C3orf22: variants seen among roughly 807,000 people sequenced by gnomAD.
C3orf22 encodes the protein uncharacterized protein C3orf22.
C3orf22 carries 7 observed loss-of-function variants against 10.8 expected under a neutral mutation model. The observed-to-expected ratio is 0.65, with a 90% CI of 0.37 to 1.22. The LOEUF is 1.22. C3orf22 is among the 50% of genes most tolerant of loss of function. The probability of loss-of-function intolerance (pLI) is 0.02; values close to 1 mark genes in which losing one functional copy is unlikely to be tolerated. For synonymous variants in C3orf22, 79 were observed against 78.9 expected (o/e 1.00, Z 0.00); for missense variants, 173 against 177.0 (o/e 0.98, Z 0.13).
intron 4 of C3orf22, chr3:126,536,251 C>G (rs199904615): frequency 3.1e-6 from 5 of 1,611,082 alleles, no homozygotes; most frequent in East Asian, 2.2e-5. Flanking sequence ...GTGGCGACAT[C>G]TCTCTCCTTA....
In C3orf22 at chr3:126,557,440, G is replaced by A. The variant is rs183489544; in HGVS notation, c.-41+1187C>T. ...GGGATTCCGGAGTCCTCCAAAAGCC[G>A]GTGGGCTCGGGCAAGACTGCTCGGC... On this transcript the variant is annotated intron_variant, in intron 1 of 3. Coordinates refer to ENST00000318225, the MANE Select transcript of C3orf22 (RefSeq NM_152533.3). Among the ~76,000 whole-genome samples, 184 of 152,346 alleles carry A rather than the reference G, an allele frequency of 1.2e-3. No individual in the cohort carries two copies. The Middle Eastern group carries it at 0.041, about 34-fold the overall frequency.
At chr3:126,542,300 G>C in intron 4 of C3orf22, 1 of 1,566,610 alleles carries the variant, frequency 6.4e-7, no homozygotes, top group East Asian at 2.4e-5. Context: ...CTGGGAGCGC[G>C]CGCACGCGCT....
intron 3 of C3orf22, among the ~76,000 whole-genome samples, chr3:126,551,231 G>T (rs549948559): frequency 4.1e-4 from 62 of 150,382 alleles, no homozygotes; most frequent in African/African-American, 1.4e-3. Flanking sequence ...AATGGGCATG[G>T]AAAAGTCAAC....
chr3:126,533,577 TTGGTCA>T (rs1936703149), intron 4 of C3orf22, among the ~76,000 whole-genome samples: 1 of 152,246 alleles, frequency 6.6e-6, no homozygotes. Context: ...TCCATCCTAC[TTGGTCA>T]TGGTGTATAA....
chr3:126,539,330 G>A (rs1434204234), intron 4 of C3orf22, among the ~76,000 whole-genome samples: 1 of 152,014 alleles, frequency 6.6e-6, no homozygotes. Context: ...TAAATGTTAA[G>A]CCCTGTTCTG....
At chr3:126,554,301 G>A (rs183533412) in intron 1 of C3orf22, among the ~76,000 whole-genome samples, 5 of 130,960 alleles carry the variant, frequency 3.8e-5, no homozygotes, top group East Asian at 2.2e-4. Context: ...TCTCGCTCTC[G>A]TCCCCAGGCT....
chr3:126,539,281 C>T (rs1014228605), intron 4 of C3orf22, among the ~76,000 whole-genome samples: 3 of 152,164 alleles, frequency 2.0e-5, no homozygotes, highest in African/African-American at 7.2e-5. Context: ...TCCACCCACC[C>T]TTTGTGAAAC....
intron 4 of C3orf22, among the ~76,000 whole-genome samples, chr3:126,539,850 C>T (rs796647687): frequency 1.3e-3 from 2 of 1,512 alleles, no homozygotes; most frequent in Non-Finnish European, 2.6e-3. Flanking sequence ...ACACACATCA[C>T]ACACACACAC....
intron 4 of C3orf22, among the ~76,000 whole-genome samples, chr3:126,544,386 C>T (rs1457781314): frequency 6.6e-6 from 1 of 152,214 alleles, no homozygotes; most frequent in Non-Finnish European, 1.5e-5. Flanking sequence ...TACCCAGTTT[C>T]AGGAGCTCTG....
intron 4 of C3orf22, among the ~76,000 whole-genome samples, chr3:126,533,821 A>G (rs1273188380): frequency 6.6e-6 from 1 of 152,118 alleles, no homozygotes; most frequent in Non-Finnish European, 1.5e-5. Context: ...ACATTTAGTA[A>G]AATTTACCAG....
Position 126,549,981 on chromosome 3 carries a change from A to T in C3orf22, c.313T>A (p.Leu105Met). ...TGTCTGGGGAAGCGGCGACTCAGCA[A>T]CTTGAGTTCCCAAAGGTTGCACAGT... is the stretch of plus-strand genomic sequence containing the variant. Reference protein sequence around the residue: ...PPLCNLWELKLLSRRFPRQLA... With the variant: ...PPLCNLWELKMLSRRFPRQLA... Residue 105 changes from leucine to methionine, a missense_variant, in exon 4 of 4, where the codon TTG becomes ATG. Physicochemically the swap from Leu to Met is conservative, Grantham distance 15. Coordinates refer to ENST00000318225, the MANE Select transcript of C3orf22 (RefSeq NM_152533.3). The T allele has an allele frequency of 6.2e-7, 1 of 1,614,162 alleles. No homozygotes were observed. Among genetic ancestry groups the T allele is most frequent in the Non-Finnish European group, 8.5e-7 (1 of 1,180,038 alleles).
chr3:126,558,842 T>G lies in C3orf22; in HGVS notation c.-256A>C, dbSNP rs934907508. 2.6e-5 allele frequency: 4 copies of G among 152,260 alleles called. No homozygotes were observed. The highest frequency in any genetic ancestry group is 5.9e-5 in the Non-Finnish European group (4 of 68,058). The allele number at this position is 152,260 out of a possible 1,614,324, so 9.4% of individuals were successfully genotyped here. ...AAGCTGCAGGACCCTGTGGGCTGGC[T>G]TATGTGACGCCAGGCAGACTGAAGC... On this transcript the variant is annotated 5_prime_UTR_variant, in exon 1 of 4. The change abolishes the stop of an existing upstream ORF in the 5' untranslated region. Coordinates refer to ENST00000318225, the MANE Select transcript of C3orf22 (RefSeq NM_152533.3).
intron 4 of C3orf22, among the ~76,000 whole-genome samples, chr3:126,543,792 C>A (rs1010440811): frequency 6.6e-6 from 1 of 152,072 alleles, no homozygotes; most frequent in Non-Finnish European, 1.5e-5. Context: ...GTGTCTTGGG[C>A]CACTTGTCTC....
rs1339429579 is a variant in C3orf22 at position 126,557,822 on chromosome 3, A to T, written c.-41+805T>A. Among the ~76,000 whole-genome samples, 7 of 152,238 alleles carry T rather than the reference A, an allele frequency of 4.6e-5. No individual in the cohort carries two copies. The East Asian group carries it at 1.2e-3, about 25-fold the overall frequency. On this transcript the variant is annotated intron_variant, in intron 1 of 3. Coordinates refer to ENST00000318225, the MANE Select transcript of C3orf22 (RefSeq NM_152533.3). ...CCCTGAAGGGCAGGCTTCCCCACTGACTTGCCCACTAGTCTAGTACAGGGT... is the reference window on the plus strand; with the variant it reads ...CCCTGAAGGGCAGGCTTCCCCACTGTCTTGCCCACTAGTCTAGTACAGGGT...
At chr3:126,542,493 T>G in intron 4 of C3orf22, 1 of 1,580,902 alleles carries the variant, frequency 6.3e-7, no homozygotes, top group Middle Eastern at 1.7e-4. Flanking sequence ...ATCAGCCCCT[T>G]CTACCAGCGG....
chr3:126,542,027 G>A lies in C3orf22; in HGVS notation c.286+7510C>T, dbSNP rs760487755. 10 of 1,569,852 alleles carry A rather than the reference G, an allele frequency of 6.4e-6. No individual in the cohort carries two copies. The East Asian group carries it at 7.0e-5, about 11-fold the overall frequency. The stretch of plus-strand genomic sequence containing the variant: ...CTCACTGGCCGACTTCAGCCCCGCC[G>A]AGATCAACCGGCGCCTGCGCGCCTA... On this transcript the variant is annotated intron_variant and NMD_transcript_variant, in intron 4 of 5. Coordinates refer to the C3orf22 transcript ENST00000505070.
At chr3:126,550,283 C>T (rs551701843) in intron 3 of C3orf22, among the ~76,000 whole-genome samples, 186 of 152,252 alleles carry the variant, frequency 1.2e-3, no homozygotes, top group Non-Finnish European at 2.1e-3. Flanking sequence ...CACTCACCCC[C>T]CCACACAGGC....
intron 4 of C3orf22, among the ~76,000 whole-genome samples, chr3:126,535,122 T>TCGCTTTCCTCGGCCG (rs1936749129): frequency 2.5e-4 from 1 of 4,034 alleles, no homozygotes; most frequent in South Asian, 9.1e-3. Context: ...TGTCCTCAGC[T>TCGCTTTCCTCGGCCG]GGAGACAGAC....
rs1937143519 is a variant in C3orf22 at position 126,549,945 on chromosome 3, G to A, written c.349C>T (p.Leu117=). The A allele has an allele frequency of 6.2e-7, 1 of 1,614,040 alleles. No individual in the cohort carries two copies. Among genetic ancestry groups the A allele is most frequent in the African/African-American group, 1.3e-5 (1 of 74,912 alleles). The change falls in exon 4 of 4, where the codon CTG becomes TTG. Residue 117 remains leucine, a synonymous_variant. Coordinates refer to ENST00000318225, the MANE Select transcript of C3orf22 (RefSeq NM_152533.3). ...GCCTCAGTGTGCCGGGTGGACAGCAGGAAGGCGAGTTGTCTGGGGAAGCGG... is the reference window on the plus strand; with the variant it reads ...GCCTCAGTGTGCCGGGTGGACAGCAAGAAGGCGAGTTGTCTGGGGAAGCGG... ...SRRFPRQLAF[L]LSTRHTEAAC...
Sources: allele counts gnomAD v4.1 joint callset (sites outside exome capture counted in the v4.1 genomes callset), GRCh38; gene constraint gnomAD v4.1.1; transcripts MANE v1.5; gene names NCBI Gene and HGNC (gene_info 2026-07-23, HGNC 2026-07-21).